The following GTF2F2 variants were observed in gnomAD, a reference collection of about 807,000 sequenced individuals.
GTF2F2 encodes the protein ATP-dependent helicase GTF2F2.
A neutral mutation model predicts 42.2 loss-of-function variants in GTF2F2; 23 were observed. That is an observed-to-expected ratio of 0.55 (90% CI 0.39 to 0.77). The LOEUF is 0.77. Ranked by LOEUF, GTF2F2 falls within the 30% of genes least tolerant of loss-of-function variation. The pLI, the probability that GTF2F2 is intolerant of heterozygous loss-of-function variation, is 0.00. For synonymous variants in GTF2F2, 105 were observed against 100.8 expected, an observed-to-expected ratio of 1.04 and a Z score of -0.25; for missense variants, 261 against 287.2, an observed-to-expected ratio of 0.91 and a Z score of 0.66.
At chr13:45,133,928 G>A (rs74795736) in intron 1 of GTF2F2, among the ~76,000 whole-genome samples, 8,285 of 152,178 alleles carry the variant, frequency 0.054, 290 homozygotes, top group Admixed American at 0.091. Flanking sequence ...TACACCCCAT[G>A]GTCTCTCTCT....
At chr13:45,251,755 A>C (rs1875887730) in intron 5 of GTF2F2, among the ~76,000 whole-genome samples, 1 of 152,172 alleles carries the variant, frequency 6.6e-6, no homozygotes, top group African/African-American at 2.4e-5. Flanking sequence ...TAATAAACAT[A>C]AGCTTTTGTC....
At chr13:45,120,840 T>G (rs1868592035) in intron 1 of GTF2F2, 119 bp downstream of exon 1, 1 of 706,902 alleles carries the variant, frequency 1.4e-6, no homozygotes, top group South Asian at 1.7e-5. Flanking sequence ...CGTTAGAGCT[T>G]CACACATTTT....
At chr13:45,236,528 CAA>C (rs1491416664) in intron 5 of GTF2F2, among the ~76,000 whole-genome samples, 1 of 143,940 alleles carries the variant, frequency 6.9e-6, no homozygotes, top group Admixed American at 6.9e-5. Context: ...CACACACACA[CAA>C]GTTTATGAGG....
chr13:45,208,862 G>A (rs1234749109), intron 5 of GTF2F2, among the ~76,000 whole-genome samples: 5 of 152,124 alleles, frequency 3.3e-5, no homozygotes, highest in South Asian at 2.1e-4. Context: ...TGGAAAACAG[G>A]CAGAAGATGT....
chr13:45,142,656 T>C (rs886393693), intron 2 of GTF2F2, among the ~76,000 whole-genome samples: 1 of 152,224 alleles, frequency 6.6e-6, no homozygotes, highest in Non-Finnish European at 1.5e-5. Flanking sequence ...AACAGACTTA[T>C]AGTAATTAGT....
At chr13:45,197,500 C>A (rs1402541345) in intron 4 of GTF2F2, among the ~76,000 whole-genome samples, 2 of 145,240 alleles carry the variant, frequency 1.4e-5, no homozygotes, top group Admixed American at 6.9e-5. Flanking sequence ...CACAGTAAGA[C>A]CCTGTCTCCA....
At chr13:45,122,014 C>A (rs1320283517) in intron 1 of GTF2F2, among the ~76,000 whole-genome samples, 1 of 151,974 alleles carries the variant, frequency 6.6e-6, no homozygotes, top group South Asian at 2.1e-4. Context: ...GTTTGTCTTA[C>A]AGGATTTGGA....
Position 45,283,585 on chromosome 13 carries a change from G to C in GTF2F2, c.*24G>C. 1 of 1,580,782 alleles carries C rather than the reference G, an allele frequency of 6.3e-7. No individual in the cohort carries two copies. Among genetic ancestry groups the C allele is most frequent in the East Asian group, 2.3e-5 (1 of 44,030 alleles). ...AAGAAGACTCCTAGCCAGCATGCTAGTGAAACGACTAGCAGCGATGCTATG... is the reference window on the plus strand; with the variant it reads ...AAGAAGACTCCTAGCCAGCATGCTACTGAAACGACTAGCAGCGATGCTATG... On this transcript the variant is annotated 3_prime_UTR_variant, in exon 8 of 8. Coordinates refer to ENST00000340473, the MANE Select transcript of GTF2F2 (RefSeq NM_004128.3).
At chr13:45,274,474 ATG>A (rs1876940683) in intron 7 of GTF2F2, among the ~76,000 whole-genome samples, 1 of 151,790 alleles carries the variant, frequency 6.6e-6, no homozygotes, top group African/African-American at 2.4e-5. Context: ...TTACAGGCAC[ATG>A]CCACCACACC....
intron 6 of GTF2F2, among the ~76,000 whole-genome samples, chr13:45,263,017 T>A (rs1244783817): frequency 1.3e-5 from 2 of 152,052 alleles, no homozygotes; most frequent in Non-Finnish European, 2.9e-5. Flanking sequence ...TGAGCCACCA[T>A]GTGTGGCCAT....
At chr13:45,256,669 A>G (rs1379590884) in intron 6 of GTF2F2, among the ~76,000 whole-genome samples, 2 of 152,180 alleles carry the variant, frequency 1.3e-5, no homozygotes, top group Non-Finnish European at 2.9e-5. Flanking sequence ...TGTAATACCA[A>G]CTATAGAAAG....
rs1593440474 is a variant in GTF2F2, at chr13:45,124,057, G to C, written c.66+3336G>C. The C allele has an allele frequency of 2.7e-6, 3 of 1,099,478 alleles. No homozygotes were observed. In the East Asian group the frequency reaches 7.2e-5, roughly 26 times the overall value. 68.1% of individuals were successfully genotyped at this position (1,099,478 alleles called of 1,614,324 possible). On this transcript the variant is annotated intron_variant, in intron 1 of 7. Coordinates refer to ENST00000340473, the MANE Select transcript of GTF2F2 (RefSeq NM_004128.3). Reference sequence around the variant, plus strand: ...GGGCCATGAGGTCCCCCACCCTGTTGCTGTAGCCAAATTCATTGTCTTACC... The same window carrying C: ...GGGCCATGAGGTCCCCCACCCTGTTCCTGTAGCCAAATTCATTGTCTTACC...
At chr13:45,156,877 C>T (rs1338077142) in intron 4 of GTF2F2, among the ~76,000 whole-genome samples, 1 of 152,180 alleles carries the variant, frequency 6.6e-6, no homozygotes, top group Non-Finnish European at 1.5e-5. Flanking sequence ...AATAAATTAA[C>T]ATTTGTGCCT....
intron 1 of GTF2F2, chr13:45,124,292 C>G (rs1409667109): frequency 4.1e-6 from 1 of 245,504 alleles, no homozygotes; most frequent in African/African-American, 2.3e-5. Context: ...CCGTGTTAGC[C>G]AGGATGGTCT....
chr13:45,203,904 C>T (rs754467749), intron 4 of GTF2F2, among the ~76,000 whole-genome samples: 7 of 152,092 alleles, frequency 4.6e-5, no homozygotes, highest in African/African-American at 7.2e-5. Context: ...CAGCAGCTCT[C>T]GAAATGTGGT....
intron 4 of GTF2F2, among the ~76,000 whole-genome samples, chr13:45,166,805 T>C (rs116825224): frequency 0.012 from 1,810 of 152,310 alleles, 27 homozygotes; most frequent in African/African-American, 0.037. Flanking sequence ...TATATACAAC[T>C]TGTATACAAG....
At chr13:45,165,330 TA>T (rs199835702) in intron 4 of GTF2F2, among the ~76,000 whole-genome samples, 5,517 of 128,622 alleles carry the variant, frequency 0.043, 284 homozygotes, top group African/African-American at 0.14. Context: ...TATATATATA[TA>T]TTTTTTTTTT....
At chr13:45,160,857 G>T in intron 4 of GTF2F2, among the ~76,000 whole-genome samples, 1 of 150,216 alleles carries the variant, frequency 6.7e-6, no homozygotes, top group East Asian at 1.9e-4. Flanking sequence ...TGCTTTGTCT[G>T]TCAGTCATTC....
In GTF2F2 at chr13:45,120,572, C is replaced by A; in HGVS notation, c.-84C>A. The A allele has an allele frequency of 2.1e-6, 2 of 973,418 alleles. No homozygotes were observed. The highest frequency in any genetic ancestry group is 2.8e-5 in the South Asian group (2 of 71,652). 60.3% of individuals were successfully genotyped at this position (973,418 alleles called of 1,614,324 possible). A position where few individuals can be genotyped will look rare whatever the true frequency, so the allele number is the denominator to read the frequency against. ...CTCTTCGCCTCTCAGCGCGGCTTGTCCTTTGTTCCGGACGCCCGCTCCTCA... is the reference window on the plus strand; with the variant it reads ...CTCTTCGCCTCTCAGCGCGGCTTGTACTTTGTTCCGGACGCCCGCTCCTCA... On this transcript the variant is annotated 5_prime_UTR_variant, in exon 1 of 8. Coordinates refer to ENST00000340473, the MANE Select transcript of GTF2F2 (RefSeq NM_004128.3).
Sources: allele counts gnomAD v4.1 joint callset (sites outside exome capture counted in the v4.1 genomes callset), GRCh38; gene constraint gnomAD v4.1.1; transcripts MANE v1.5; gene names NCBI Gene and HGNC (gene_info 2026-07-23, HGNC 2026-07-21).